CRELD1: variants seen among roughly 807,000 people sequenced by gnomAD.
CRELD1 encodes the protein protein disulfide isomerase CRELD1.
A neutral mutation model predicts 58.2 loss-of-function variants in CRELD1; 42 were observed. The observed-to-expected ratio is 0.72, with a 90% CI of 0.56 to 0.93. The LOEUF (loss-of-function observed/expected upper bound fraction) is 0.93. CRELD1 is among the 40% of genes least tolerant of loss of function. The pLI is 0.00. For synonymous variants in CRELD1, 222 were observed against 202.0 expected, an observed-to-expected ratio of 1.10 and a Z score of -0.84; for missense variants, 500 against 540.6, an observed-to-expected ratio of 0.92 and a Z score of 0.74.
At position 9,944,901 on chromosome 3, in the gene CRELD1, G is replaced by A. The variant is rs1381601540; in HGVS notation, c.*322G>A. ...TTAGGATTAGGTGGTCCTCACAGGG[G>A]TGGGGCCATCACAGCTCCCTCCTGC... is the stretch of plus-strand genomic sequence containing the variant. On this transcript the variant is annotated 3_prime_UTR_variant, in exon 11 of 11. Transcript: ENST00000452070. 2.5e-6 allele frequency: 1 copy of A among 408,128 alleles called. No homozygotes were observed. The highest frequency in any genetic ancestry group is 4.6e-6 in the Non-Finnish European group (1 of 215,272). 25.3% of individuals were successfully genotyped at this position (408,128 alleles called of 1,614,324 possible).
chr3:9,944,020 AG>A, intron 10 of CRELD1: 1 of 900,774 alleles, frequency 1.1e-6, no homozygotes, highest in Non-Finnish European at 1.9e-6. Context: ...CTACTTTCCC[AG>A]GGCTATATGG....
chr3:9,935,293 A>T (rs1441274254), intron 3 of CRELD1, among the ~76,000 whole-genome samples: 2 of 152,162 alleles, frequency 1.3e-5, no homozygotes, highest in Non-Finnish European at 2.9e-5. Context: ...AGCTTGGTGT[A>T]TTTGAGAAGT....
chr3:9,942,684 G>A (rs2085401105), intron 7 of CRELD1, 129 bp from the exon 8 acceptor site: 1 of 782,824 alleles, frequency 1.3e-6, no homozygotes, highest in African/African-American at 1.7e-5. Flanking sequence ...GTCTGCTTCT[G>A]TGTTGGTAGA....
intron 1 of CRELD1, 184 bp downstream of exon 1, chr3:9,934,104 C>G: frequency 2.4e-6 from 1 of 417,834 alleles, no homozygotes; most frequent in East Asian, 5.2e-5. Context: ...GATCTCTTCT[C>G]CCTAATTCTG....
rs1283418527 is a variant in CRELD1 at position 9,943,016 on chromosome 3, G to C, written c.818-61G>C. 3 of 1,570,216 alleles carry C rather than the reference G, an allele frequency of 1.9e-6. No homozygotes were observed. The African/African-American group carries it at 4.1e-5, about 21-fold the overall frequency. ...GAGCACCCCCAGGCCTCCGCTTCTG[G>C]AGCGTGGCTCCCCTGGGCCTAGGTG... On this transcript the variant is annotated intron_variant, in intron 8 of 10. Coordinates refer to ENST00000452070, the MANE Select transcript of CRELD1 (RefSeq NM_001077415.3).
rs2085474082 is a variant in CRELD1, at chr3:9,944,789, T to C, written c.*210T>C. On this transcript the variant is annotated 3_prime_UTR_variant, in exon 11 of 11. Coordinates refer to ENST00000452070, the MANE Select transcript of CRELD1 (RefSeq NM_001077415.3). ...CCCTGAAGGTGGATACCATGAGCTC[T>C]TCACCTGGCGGGGACTGGCAGGCTT... 1.7e-6 allele frequency: 1 copy of C among 597,428 alleles called. No homozygotes were observed. The highest frequency in any genetic ancestry group is 3.0e-6 in the Non-Finnish European group (1 of 334,652). 37.0% of individuals were successfully genotyped at this position (597,428 alleles called of 1,614,324 possible).
chr3:9,937,726 A>G, intron 4 of CRELD1, 54 bp downstream of exon 4: 1 of 1,282,574 alleles, frequency 7.8e-7, no homozygotes, highest in Non-Finnish European at 1.1e-6. Context: ...GCCTGGTGAT[A>G]AGGCCTGATT....
At chr3:9,938,224 C>T (rs1043597852) in intron 5 of CRELD1, 118 bp downstream of exon 5, 2 of 800,062 alleles carry the variant, frequency 2.5e-6, no homozygotes, top group East Asian at 2.6e-5. Flanking sequence ...CTTCTCTGGA[C>T]CTCAGTTCTT....
chr3:9,944,934 A>C lies in CRELD1; in HGVS notation c.*355A>C, dbSNP rs114661849. ...ATCACAGCTCCCTCCTGCCAGCTGC[A>C]TGCTGCCAGTTCCTGTTCTGTGTTC... On this transcript the variant is annotated 3_prime_UTR_variant, in exon 11 of 11. Transcript: ENST00000452070. The C allele has an allele frequency of 1.2e-3, 460 of 368,288 alleles. 2 individuals carry two copies. Among genetic ancestry groups the C allele is most frequent in the African/African-American group, 9.2e-3 (439 of 47,970 alleles). The allele number at this position is 368,288 out of a possible 1,614,324, so 22.8% of individuals were successfully genotyped here. A position where few individuals can be genotyped will look rare whatever the true frequency, so the allele number is the denominator to read the frequency against.
chr3:9,944,407 T>C lies in CRELD1; in HGVS notation c.1091T>C (p.Val364Ala). Residue 364 changes from valine to alanine, a missense_variant, in exon 11 of 11, where the codon GTG (valine) becomes GCG (alanine). Physicochemically the swap from Val to Ala is moderately conservative, Grantham distance 64. Transcript: ENST00000452070. ...TCAGAGATGACAGAAGACGAGTTGG[T>C]GGTGCTGCAGCAGATGTTCTTTGGC... ...FFSEMTEDEL[V>A]VLQQMFFGII... 1 of 1,614,096 alleles carries C rather than the reference T, an allele frequency of 6.2e-7. No homozygotes were observed. Among genetic ancestry groups the C allele is most frequent in the Non-Finnish European group, 8.5e-7 (1 of 1,180,036 alleles).
chr3:9,938,413 C>CGG (rs1012962620), intron 5 of CRELD1: 6 of 377,730 alleles, frequency 1.6e-5, no homozygotes, highest in African/African-American at 8.3e-5. Context: ...TGGGGAGGGG[C>CGG]GGGTGCTGAC....
chr3:9,941,915 CTAAAG>C (rs1350078961), intron 7 of CRELD1, among the ~76,000 whole-genome samples: 1 of 151,108 alleles, frequency 6.6e-6, no homozygotes, highest in African/African-American at 2.4e-5. Flanking sequence ...CTTATATAGA[CTAAAG>C]TAAAGGCTAA....
chr3:9,944,442 T>A lies in CRELD1; in HGVS notation c.1126T>A (p.Cys376Ser). The A allele has an allele frequency of 6.2e-7, 1 of 1,613,914 alleles. No homozygotes were observed. The highest frequency in any genetic ancestry group is 8.5e-7 in the Non-Finnish European group (1 of 1,179,948). The change falls in exon 11 of 11, where the codon TGT (cysteine) becomes AGT (serine). Residue 376 changes from cysteine to serine, a missense_variant. Transcript: ENST00000452070. ...LQQMFFGIIICALATLAAKGD... is the reference protein window; with the variant it reads ...LQQMFFGIIISALATLAAKGD... The stretch of plus-strand genomic sequence containing the variant: ...GCAGATGTTCTTTGGCATCATCATC[T>A]GTGCACTGGCCACGCTGGCTGCTAA...
Position 9,944,753 on chromosome 3 carries a change from G to T in CRELD1, c.*174G>T, listed in dbSNP as rs1176319824. On this transcript the variant is annotated 3_prime_UTR_variant, in exon 11 of 11. Coordinates refer to ENST00000452070, the MANE Select transcript of CRELD1 (RefSeq NM_001077415.3). Reference sequence around the variant, plus strand: ...GGCCCGGGCAGACAAGGCCCCTGGGGTAAAAAGTAGCCCTGAAGGTGGATA... The same window carrying T: ...GGCCCGGGCAGACAAGGCCCCTGGGTTAAAAAGTAGCCCTGAAGGTGGATA... 2 of 652,202 alleles carry T rather than the reference G, an allele frequency of 3.1e-6. No individual in the cohort carries two copies. Among genetic ancestry groups the T allele is most frequent in the East Asian group, 5.5e-5 (2 of 36,496 alleles). 40.4% of individuals were successfully genotyped at this position (652,202 alleles called of 1,614,324 possible). A position where few individuals can be genotyped will look rare whatever the true frequency, so the allele number is the denominator to read the frequency against.
At position 9,940,855 on chromosome 3, in the gene CRELD1, C is replaced by A. The variant is rs1157650312; in HGVS notation, c.466C>A (p.Pro156Thr). The A allele has an allele frequency of 1.9e-6, 3 of 1,611,340 alleles. No individual in the cohort carries two copies. The highest frequency in any genetic ancestry group is 2.5e-6 in the Non-Finnish European group (3 of 1,178,812). ...GTFGPSCLPC[P>T]GGTERPCGGY... is the part of the protein sequence containing the mutation. ...GGTTTGGTGTCTTCCCACAGCCTGT[C>A]CTGGGGGAACAGAGAGGCCCTGCGG... The change falls in exon 6 of 11, where the codon CCT becomes ACT. Residue 156 changes from proline to threonine, a missense_variant. By Grantham distance (38) the Pro-to-Thr change is conservative (BLOSUM62 -1). Coordinates refer to ENST00000452070, the MANE Select transcript of CRELD1 (RefSeq NM_001077415.3).
chr3:9,941,561 C>A (rs570918727), intron 7 of CRELD1, among the ~76,000 whole-genome samples: 10 of 151,892 alleles, frequency 6.6e-5, no homozygotes, highest in African/African-American at 2.2e-4. Context: ...GAGGCCAAGG[C>A]GGGCAGATCA....
rs529209384 is a variant in CRELD1 at position 9,934,214 on chromosome 3, T to C, written c.-19-206T>C. ...GGCCACTTTCCTCTCCACCCCATGC[T>C]AGCGAGGATAACTTATTTCTCTTCT... On this transcript the variant is annotated intron_variant, in intron 1 of 10. Coordinates refer to ENST00000452070, the MANE Select transcript of CRELD1 (RefSeq NM_001077415.3). 1.2e-5 allele frequency: 7 copies of C among 583,482 alleles called. No homozygotes were observed. In the South Asian group the frequency reaches 1.4e-4, roughly 12 times the overall value. The allele number at this position is 583,482 out of a possible 1,614,324, so 36.1% of individuals were successfully genotyped here. A position where few individuals can be genotyped will look rare whatever the true frequency, so the allele number is the denominator to read the frequency against.
intron 2 of CRELD1, 105 bp downstream of exon 2, chr3:9,934,717 A>T: frequency 6.6e-7 from 1 of 1,506,230 alleles, no homozygotes; most frequent in African/African-American, 1.4e-5. Flanking sequence ...GTCTCTTACT[A>T]GTTGTATGGC....
chr3:9,937,908 C>A, intron 4 of CRELD1, 107 bp from the exon 5 acceptor site: 2 of 873,880 alleles, frequency 2.3e-6, no homozygotes, highest in Non-Finnish European at 3.7e-6. Context: ...GGTCTTATGT[C>A]CAAGCTGGGT....
Sources: allele counts gnomAD v4.1 joint callset (sites outside exome capture counted in the v4.1 genomes callset), GRCh38; gene constraint gnomAD v4.1.1; transcripts MANE v1.5; gene names NCBI Gene and HGNC (gene_info 2026-07-23, HGNC 2026-07-21).